The following ATXN1 variants were observed in gnomAD, a reference collection of about 807,000 sequenced individuals.
ATXN1 encodes ataxin 1.
Under a neutral mutation model 56.4 loss-of-function variants are expected in ATXN1, and 8 were observed. The ratio of observed to expected loss-of-function variants is 0.14; its 90% CI spans 0.08 to 0.26. The LOEUF (loss-of-function observed/expected upper bound fraction) is 0.26, where lower values mean the gene tolerates loss of function less well. Ranked by LOEUF, ATXN1 falls within the 10% of genes least tolerant of loss-of-function variation. The pLI is 1.00. For missense variants in ATXN1, 987 were observed against 1,106.5 expected (o/e 0.89, Z 1.53); for synonymous variants, 514 against 494.6 (o/e 1.04, Z -0.52).
chr6:16,606,162 A>G (rs1230942559), intron 3 of ATXN1, among the ~76,000 whole-genome samples: 2 of 87,756 alleles, frequency 2.3e-5, no homozygotes, highest in Admixed American at 1.2e-4. Flanking sequence ...ACAAACAAAC[A>G]AAAAGAATGA....
intron 2 of ATXN1, among the ~76,000 whole-genome samples, chr6:16,669,970 C>T (rs941242073): frequency 1.3e-5 from 2 of 152,042 alleles, no homozygotes; most frequent in African/African-American, 4.8e-5. Context: ...TGAAGCTGAC[C>T]ACCCCATGAC....
At chr6:16,324,998 C>T (rs1165973644) in intron 7 of ATXN1, among the ~76,000 whole-genome samples, 1 of 152,166 alleles carries the variant, frequency 6.6e-6, no homozygotes, top group Non-Finnish European at 1.5e-5. Context: ...TATATGCAAA[C>T]CAACCAGTCC....
chr6:16,733,245 A>G (rs889563693), intron 2 of ATXN1, among the ~76,000 whole-genome samples: 1 of 152,290 alleles, frequency 6.6e-6, no homozygotes, highest in African/African-American at 2.4e-5. Context: ...AATGTTTGCT[A>G]TTTTAAGAGC....
At position 16,637,327 on chromosome 6, in the gene ATXN1, C is replaced by T. The variant is rs140872849; in HGVS notation, c.-489+20449G>A. ...CACTTGGTCACAGGAAGGGGAACAT[C>T]GCACACCGGGGCCTGTCATGGAGTG... On this transcript the variant is annotated intron_variant, in intron 3 of 7. Transcript: ENST00000436367. Among the ~76,000 whole-genome samples the T allele has an allele frequency of 8.3e-3, 1,133 of 136,868 alleles. 12 individuals are homozygous for T. The highest frequency in any genetic ancestry group is 9.6e-3 in the Non-Finnish European group (634 of 66,004). 89.8% of individuals were successfully genotyped at this position (136,868 alleles called of 152,430 possible). A position where few individuals can be genotyped will look rare whatever the true frequency, so the allele number is the denominator to read the frequency against.
intron 4 of ATXN1, among the ~76,000 whole-genome samples, chr6:16,543,217 G>GCCA (rs1455526190): frequency 6.6e-6 from 1 of 152,158 alleles, no homozygotes; most frequent in African/African-American, 2.4e-5. Context: ...CCGTCCCGCA[G>GCCA]CCACCACCAC....
chr6:16,650,074 A>T (rs1372496830), intron 3 of ATXN1, among the ~76,000 whole-genome samples: 1 of 152,100 alleles, frequency 6.6e-6, no homozygotes, highest in Non-Finnish European at 1.5e-5. Flanking sequence ...CTGACATTAC[A>T]GATGTGAGAC....
chr6:16,693,450 A>C (rs1759091802), intron 2 of ATXN1, among the ~76,000 whole-genome samples: 2 of 152,236 alleles, frequency 1.3e-5, no homozygotes, highest in Admixed American at 6.5e-5. Flanking sequence ...TACCATGTAC[A>C]TGTGAATTAT....
At chr6:16,567,288 C>T (rs1341288327) in intron 4 of ATXN1, among the ~76,000 whole-genome samples, 2 of 152,092 alleles carry the variant, frequency 1.3e-5, no homozygotes, top group Admixed American at 1.3e-4. Flanking sequence ...AAAGATACCA[C>T]AAAATGCATA....
intron 2 of ATXN1, among the ~76,000 whole-genome samples, chr6:16,748,252 A>G (rs1760598784): frequency 6.6e-6 from 1 of 152,214 alleles, no homozygotes; most frequent in Non-Finnish European, 1.5e-5. Context: ...CAGAAAGCTC[A>G]TATGTGACTG....
intron 6 of ATXN1, among the ~76,000 whole-genome samples, chr6:16,472,422 T>C (rs1010319515): frequency 1.3e-5 from 2 of 152,212 alleles, no homozygotes; most frequent in African/African-American, 2.4e-5. Context: ...CCAGACCAGA[T>C]TGAACACAGC....
intron 2 of ATXN1, among the ~76,000 whole-genome samples, chr6:16,717,690 G>A (rs1489178692): frequency 6.6e-6 from 1 of 152,186 alleles, no homozygotes; most frequent in Non-Finnish European, 1.5e-5. Context: ...GTGGGTCTGA[G>A]GATATGCTGG....
chr6:16,559,545 G>C (rs1277745612), intron 4 of ATXN1, among the ~76,000 whole-genome samples: 1 of 152,166 alleles, frequency 6.6e-6, no homozygotes. Context: ...AGTGTATGGG[G>C]TGTAAACATT....
At chr6:16,610,308 A>C (rs139418899) in intron 3 of ATXN1, among the ~76,000 whole-genome samples, 1 of 151,854 alleles carries the variant, frequency 6.6e-6, no homozygotes, top group Non-Finnish European at 1.5e-5. Context: ...ACAAGAAGAA[A>C]AAAATGAAAA....
chr6:16,533,540 T>C (rs1212040368), intron 4 of ATXN1, among the ~76,000 whole-genome samples: 1 of 152,142 alleles, frequency 6.6e-6, no homozygotes, highest in Non-Finnish European at 1.5e-5. Context: ...GAGACCCAAT[T>C]TGGCAGTGGA....
At chr6:16,734,876 T>A (rs1014067346) in intron 2 of ATXN1, among the ~76,000 whole-genome samples, 2 of 152,174 alleles carry the variant, frequency 1.3e-5, no homozygotes, top group Non-Finnish European at 2.9e-5. Flanking sequence ...GAGGTCCACA[T>A]AGAGGACATC....
chr6:16,741,675 C>A (rs971186075), intron 2 of ATXN1, among the ~76,000 whole-genome samples: 6 of 152,212 alleles, frequency 3.9e-5, no homozygotes, highest in Admixed American at 3.9e-4. Flanking sequence ...TGAACTGTGT[C>A]ATGGAGTTTA....
intron 2 of ATXN1, among the ~76,000 whole-genome samples, chr6:16,693,932 C>T (rs755177733): frequency 2.0e-4 from 30 of 152,182 alleles, no homozygotes; most frequent in South Asian, 6.2e-4. Context: ...ACTGGGATTC[C>T]GACACACTAA....
chr6:16,412,181 C>A lies in ATXN1; in HGVS notation c.-161+73791G>T, dbSNP rs146550970. On this transcript the variant is annotated intron_variant, in intron 6 of 7. Coordinates refer to ENST00000436367, the MANE Select transcript of ATXN1 (RefSeq NM_001128164.2). ...ATATGAACCCTGTCAATAGGAGAAACCTTTCTAAAAGCCTTCTTCTTTGTT... is the reference window on the plus strand; with the variant it reads ...ATATGAACCCTGTCAATAGGAGAAAACTTTCTAAAAGCCTTCTTCTTTGTT... Among the ~76,000 whole-genome samples the A allele has an allele frequency of 3.2e-4, 49 of 152,264 alleles. 2 individuals are homozygous for A. The highest frequency in any genetic ancestry group is 1.1e-3 in the African/African-American group (47 of 41,552).
chr6:16,514,309 T>C (rs1375683373), intron 5 of ATXN1, among the ~76,000 whole-genome samples: 2 of 151,918 alleles, frequency 1.3e-5, no homozygotes, highest in East Asian at 3.9e-4. Flanking sequence ...AAAAAGACTG[T>C]CAGCTTGCAA....
Sources: allele counts gnomAD v4.1 joint callset (sites outside exome capture counted in the v4.1 genomes callset), GRCh38; gene constraint gnomAD v4.1.1; transcripts MANE v1.5; gene names NCBI Gene and HGNC (gene_info 2026-07-23, HGNC 2026-07-21).